The following ATP8B1 variants were observed in gnomAD, a reference collection of about 807,000 sequenced individuals.
ATP8B1 encodes the protein ATPase phospholipid transporting 8B1.
A neutral mutation model predicts 149.9 loss-of-function variants in ATP8B1; 80 were observed. The observed-to-expected ratio is 0.53, with a 90% CI of 0.45 to 0.64. The LOEUF (loss-of-function observed/expected upper bound fraction) is 0.64, where lower values mean the gene tolerates loss of function less well. Among genes scored for constraint, ATP8B1 ranks in the 30% least tolerant of loss-of-function variants. ATP8B1 has a pLI of 0.00. For synonymous variants in ATP8B1, 536 were observed against 562.8 expected (o/e 0.95, Z 0.67); for missense variants, 1,247 against 1,552.6 (o/e 0.80, Z 3.31).
At chr18:57,789,022 A>C (rs1342295450) in intron 1 of ATP8B1, among the ~76,000 whole-genome samples, 2 of 152,180 alleles carry the variant, frequency 1.3e-5, no homozygotes, top group Non-Finnish European at 2.9e-5. Context: ...AATATACAGG[A>C]AGTCCACAAA....
At position 57,705,694 on chromosome 18, in the gene ATP8B1, C is replaced by T. The variant is rs1462829051; in HGVS notation, c.279+796G>A. 2.6e-5 allele frequency among the ~76,000 whole-genome samples: 4 copies of T among 152,230 alleles called. No individual in the cohort carries two copies. In the East Asian group the frequency reaches 7.7e-4, roughly 29 times the overall value. ...GGGAACAGATTCTCCTGCAGAGGCT[C>T]CAGAAGGAGCCAACCCTGCCAACAC... On this transcript the variant is annotated intron_variant, in intron 3 of 27. Transcript: ENST00000648908.
intron 10 of ATP8B1, among the ~76,000 whole-genome samples, 169 bp from the exon 11 acceptor site, chr18:57,694,839 G>A (rs182577643): frequency 5.9e-5 from 9 of 152,170 alleles, no homozygotes; most frequent in South Asian, 2.1e-4. Context: ...AGGCCAGCCT[G>A]GCCAACATGG....
intron 1 of ATP8B1, among the ~76,000 whole-genome samples, chr18:57,759,535 C>G (rs956754455): frequency 6.6e-6 from 1 of 152,162 alleles, no homozygotes; most frequent in Non-Finnish European, 1.5e-5. Flanking sequence ...AAGGGCCGGG[C>G]ACGGTGGCTC....
At chr18:57,673,528 C>CT (rs1283272574) in intron 16 of ATP8B1, among the ~76,000 whole-genome samples, 1 of 151,454 alleles carries the variant, frequency 6.6e-6, no homozygotes, top group Non-Finnish European at 1.5e-5. Flanking sequence ...TTTTTATTTT[C>CT]TTTTTTTATC....
chr18:57,744,870 T>G (rs1041394226), intron 1 of ATP8B1, among the ~76,000 whole-genome samples: 2 of 152,212 alleles, frequency 1.3e-5, no homozygotes, highest in Non-Finnish European at 2.9e-5. Flanking sequence ...CTTTGAAACT[T>G]TTGATCTACA....
At chr18:57,720,601 A>C (rs2079634636) in intron 2 of ATP8B1, among the ~76,000 whole-genome samples, 1 of 124,070 alleles carries the variant, frequency 8.1e-6, no homozygotes, top group African/African-American at 3.1e-5. Context: ...CTATGTGAAA[A>C]GACCAAATCT....
chr18:57,681,802 A>C (rs568889455), intron 15 of ATP8B1, among the ~76,000 whole-genome samples: 1 of 152,206 alleles, frequency 6.6e-6, no homozygotes, highest in South Asian at 2.1e-4. Context: ...ACTGTCTCAA[A>C]AACACAAAAC....
intron 1 of ATP8B1, among the ~76,000 whole-genome samples, chr18:57,760,664 G>A (rs2080140526): frequency 6.6e-6 from 1 of 152,160 alleles, no homozygotes; most frequent in Non-Finnish European, 1.5e-5. Flanking sequence ...TGTTCACCAA[G>A]GTAATAAGGA....
At chr18:57,673,564 A>G (rs1028012633) in intron 16 of ATP8B1, among the ~76,000 whole-genome samples, 1 of 151,642 alleles carries the variant, frequency 6.6e-6, no homozygotes, top group African/African-American at 2.4e-5. Flanking sequence ...TTCTAACGCA[A>G]TTTACTCTCA....
intron 22 of ATP8B1, 143 bp downstream of exon 22, chr18:57,661,031 A>G (rs1203488930): frequency 1.2e-5 from 14 of 1,165,248 alleles, no homozygotes; most frequent in Non-Finnish European, 1.7e-5. Flanking sequence ...AGGCGTTGTC[A>G]TGGTTAAGTG....
intron 1 of ATP8B1, among the ~76,000 whole-genome samples, chr18:57,774,589 C>T (rs957595412): frequency 1.3e-5 from 2 of 148,246 alleles, no homozygotes; most frequent in African/African-American, 2.5e-5. Flanking sequence ...GAGTGTGAGA[C>T]TCCATCTCAA....
chr18:57,688,735 TG>T (rs1278164026), intron 12 of ATP8B1: 1 of 544,958 alleles, frequency 1.8e-6, no homozygotes, highest in African/African-American at 1.9e-5. Flanking sequence ...CCCTTATGAA[TG>T]GGATTAGTGC....
At chr18:57,735,967 G>GCCCCC (rs59140378) in intron 1 of ATP8B1, among the ~76,000 whole-genome samples, 5 of 134,334 alleles carry the variant, frequency 3.7e-5, no homozygotes, top group Admixed American at 7.8e-5. Context: ...CCCATTCCTT[G>GCCCCC]CCCCCCCCAC....
rs908509408 is a variant in ATP8B1 at position 57,649,352 on chromosome 18, C to T, written c.3532-640G>A. Among the ~76,000 whole-genome samples, 9 of 152,222 alleles carry T rather than the reference C, an allele frequency of 5.9e-5. No individual in the cohort carries two copies. The East Asian group carries it at 1.7e-3, about 29-fold the overall frequency. On this transcript the variant is annotated intron_variant, in intron 27 of 27. Transcript: ENST00000648908. ...TTGAAGCCAAGGGAAGGTTATTTAA[C>T]TTTTCCAAGGTCACACAGCTAGAAA...
intron 1 of ATP8B1, among the ~76,000 whole-genome samples, chr18:57,780,734 C>T (rs779448519): frequency 5.9e-5 from 9 of 152,176 alleles, no homozygotes; most frequent in African/African-American, 1.9e-4. Context: ...ATATTGTACA[C>T]GATATGTAAA....
rs994395369 is a variant in ATP8B1, at chr18:57,652,289, T to C, written c.3262-117A>G. On this transcript the variant is annotated intron_variant, in intron 25 of 27. Coordinates refer to ENST00000648908, the MANE Select transcript of ATP8B1 (RefSeq NM_001374385.1). ...GTTAGGCATGATGTGGCTTGAATAC[T>C]GGACCAGAAACTAAACCATCCTTGA... 20 of 1,480,572 alleles carry C rather than the reference T, an allele frequency of 1.4e-5. No homozygotes were observed. In the Admixed American group the frequency reaches 2.0e-4, roughly 15 times the overall value. The allele number at this position is 1,480,572 out of a possible 1,614,324, so 91.7% of individuals were successfully genotyped here.
chr18:57,778,653 C>T (rs2080332320), intron 1 of ATP8B1, among the ~76,000 whole-genome samples: 1 of 152,188 alleles, frequency 6.6e-6, no homozygotes, highest in Non-Finnish European at 1.5e-5. Context: ...GATCCACCTC[C>T]AAGCTCACTC....
intron 16 of ATP8B1, among the ~76,000 whole-genome samples, chr18:57,672,327 A>G (rs1911257314): frequency 6.6e-6 from 1 of 152,184 alleles, no homozygotes; most frequent in Non-Finnish European, 1.5e-5. Context: ...GATTAATGCA[A>G]TAATTGTAAT....
rs780900506 is a variant in ATP8B1, at chr18:57,694,680, G to GA, written c.941-11dup. The GA allele has an allele frequency of 1.9e-6, 3 of 1,541,488 alleles. No individual in the cohort carries two copies. The highest frequency in any genetic ancestry group is 1.4e-5 in the African/African-American group (1 of 73,486). On this transcript the variant is annotated splice_polypyrimidine_tract_variant and intron_variant, in intron 10 of 27. Coordinates refer to ENST00000648908, the MANE Select transcript of ATP8B1 (RefSeq NM_001374385.1). ...ATTTTAGTGTCAGCACCTGAAAATG[G>GA]AAAATTCAATGTAGTCATCAGTTGG...
Sources: gnomAD v4.1 joint callset for allele counts (sites outside exome capture counted in the v4.1 genomes callset) on GRCh38, gnomAD v4.1.1 for gene constraint, MANE v1.5 for transcripts, NCBI Gene and HGNC (gene_info 2026-07-23, HGNC 2026-07-21) for gene names.